DUS2: variants seen among roughly 807,000 people sequenced by gnomAD.
DUS2 encodes tRNA-dihydrouridine(20) synthase [NAD(P)+]-like.
A neutral mutation model predicts 71.3 loss-of-function variants in DUS2; 52 were observed. The ratio of observed to expected loss-of-function variants is 0.73; its 90% CI spans 0.58 to 0.92. The LOEUF (loss-of-function observed/expected upper bound fraction) is 0.92. Among genes scored for constraint, DUS2 ranks in the 40% least tolerant of loss-of-function variants. The pLI, the probability that DUS2 is intolerant of heterozygous loss-of-function variation, is 0.00. For synonymous variants in DUS2, 204 were observed against 227.8 expected (o/e 0.90, Z 0.94); for missense variants, 558 against 622.6 (o/e 0.90, Z 1.10).
At chr16:68,031,810 T>G (rs1308568549) in intron 2 of DUS2, among the ~76,000 whole-genome samples, 1 of 152,170 alleles carries the variant, frequency 6.6e-6, no homozygotes, top group Non-Finnish European at 1.5e-5. Flanking sequence ...TTCTCCTGCT[T>G]CAGCCTCCCG....
chr16:68,061,699 A>G (rs1322355733), intron 8 of DUS2, among the ~76,000 whole-genome samples: 1 of 152,182 alleles, frequency 6.6e-6, no homozygotes, highest in Non-Finnish European at 1.5e-5. Context: ...TTCCTCTCCC[A>G]GTCTGCCAGC....
intron 10 of DUS2, 124 bp downstream of exon 10, chr16:68,066,760 C>A: frequency 1.0e-6 from 1 of 957,688 alleles, no homozygotes; most frequent in Non-Finnish European, 1.6e-6. Flanking sequence ...CCTACCTCTG[C>A]CTAGCTCTTT....
In DUS2 at chr16:68,054,632, T is replaced by C; in HGVS notation, c.308+15T>C. The C allele has an allele frequency of 6.2e-7, 1 of 1,614,186 alleles. No homozygotes were observed. On this transcript the variant is annotated intron_variant, in intron 6 of 16. Coordinates refer to ENST00000565263, the MANE Select transcript of DUS2 (RefSeq NM_017803.5). The stretch of plus-strand genomic sequence containing the variant: ...GCCAGGCTTGTGTAAGTTCATCCTC[T>C]GTCTTTAGCACTGCCTTTGCCTCTC...
intron 7 of DUS2, 46 bp downstream of exon 7, chr16:68,056,470 A>G: frequency 6.6e-7 from 1 of 1,513,460 alleles, no homozygotes; most frequent in Non-Finnish European, 9.2e-7. Context: ...GATGCAGATT[A>G]AGAGGCTGAC....
At chr16:68,057,789 G>C (rs947017031) in intron 7 of DUS2, among the ~76,000 whole-genome samples, 1 of 151,510 alleles carries the variant, frequency 6.6e-6, no homozygotes, top group African/African-American at 2.4e-5. Context: ...GCTAAGGCAG[G>C]AGAATCGCTT....
chr16:68,048,000 C>T (rs1434647944), intron 3 of DUS2, among the ~76,000 whole-genome samples: 1 of 152,136 alleles, frequency 6.6e-6, no homozygotes, highest in African/African-American at 2.4e-5. Flanking sequence ...CCAGGCTGGT[C>T]TTGAACTCCT....
intron 8 of DUS2, among the ~76,000 whole-genome samples, chr16:68,065,348 AC>A (rs1376841799): frequency 6.8e-6 from 1 of 147,792 alleles, no homozygotes; most frequent in Non-Finnish European, 1.5e-5. Flanking sequence ...CATTCCCTTC[AC>A]CCAGGAAAGA....
At chr16:68,067,496 G>A (rs886568066) in intron 10 of DUS2, among the ~76,000 whole-genome samples, 2 of 150,982 alleles carry the variant, frequency 1.3e-5, no homozygotes, top group African/African-American at 4.9e-5. Flanking sequence ...TGGCCAGGCT[G>A]GTTTCAAACT....
At chr16:68,041,218 A>G (rs1378502597) in intron 3 of DUS2, among the ~76,000 whole-genome samples, 1 of 151,914 alleles carries the variant, frequency 6.6e-6, no homozygotes, top group Non-Finnish European at 1.5e-5. Context: ...AGAACAAAAC[A>G]AAACAAAACA....
At chr16:68,047,913 T>C (rs1179095682) in intron 3 of DUS2, among the ~76,000 whole-genome samples, 1 of 151,994 alleles carries the variant, frequency 6.6e-6, no homozygotes, top group African/African-American at 2.4e-5. Flanking sequence ...CCCATGTAGC[T>C]GGGACCACAG....
intron 2 of DUS2, among the ~76,000 whole-genome samples, chr16:68,029,601 CA>C (rs2033408406): frequency 6.6e-6 from 1 of 151,974 alleles, no homozygotes; most frequent in African/African-American, 2.4e-5. Flanking sequence ...CCTGCACCAC[CA>C]TACCCGGCTA....
chr16:68,067,857 C>G (rs2034031882), intron 10 of DUS2, among the ~76,000 whole-genome samples: 1 of 151,682 alleles, frequency 6.6e-6, no homozygotes, highest in South Asian at 2.1e-4. Context: ...ACGGGATCTC[C>G]TTATGTTGCC....
intron 12 of DUS2, among the ~76,000 whole-genome samples, 200 bp downstream of exon 12, chr16:68,071,308 G>A (rs1383791238): frequency 1.3e-5 from 2 of 152,192 alleles, no homozygotes; most frequent in African/African-American, 4.8e-5. Flanking sequence ...ATGCTGGGGG[G>A]CATACCCCTA....
At chr16:68,057,996 A>C (rs1430887551) in intron 7 of DUS2, among the ~76,000 whole-genome samples, 4 of 151,738 alleles carry the variant, frequency 2.6e-5, no homozygotes, top group Non-Finnish European at 5.9e-5. Flanking sequence ...TTAAACTTGG[A>C]ATTTGATAGG....
intron 13 of DUS2, among the ~76,000 whole-genome samples, chr16:68,074,796 C>G (rs2034134687): frequency 6.6e-6 from 1 of 152,334 alleles, no homozygotes; most frequent in South Asian, 2.1e-4. Flanking sequence ...AGTCTTCCAG[C>G]CTTCAAGATG....
At chr16:68,044,583 G>C (rs985559683) in intron 3 of DUS2, among the ~76,000 whole-genome samples, 6 of 151,618 alleles carry the variant, frequency 4.0e-5, no homozygotes, top group African/African-American at 1.5e-4. Flanking sequence ...TTTTTGTAGA[G>C]TTAGGGTTTC....
At chr16:68,060,135 T>A (rs2033919170) in intron 7 of DUS2, among the ~76,000 whole-genome samples, 1 of 152,172 alleles carries the variant, frequency 6.6e-6, no homozygotes, top group Non-Finnish European at 1.5e-5. Context: ...GCACATTTGA[T>A]CTTATTTCAA....
intron 5 of DUS2, among the ~76,000 whole-genome samples, 166 bp from the exon 6 acceptor site, chr16:68,054,408 T>C (rs768602315): frequency 1.3e-5 from 2 of 152,358 alleles, no homozygotes; most frequent in Middle Eastern, 3.4e-3. Context: ...CTTTTTCTGC[T>C]GGCAGTGAGC....
At chr16:68,024,458 C>A (rs1225933435) in intron 1 of DUS2, among the ~76,000 whole-genome samples, 1 of 152,084 alleles carries the variant, frequency 6.6e-6, no homozygotes, top group African/African-American at 2.4e-5. Context: ...TTTGCAGTGC[C>A]TGGGGTGGGA....
Sources: allele counts gnomAD v4.1 joint callset (sites outside exome capture counted in the v4.1 genomes callset), GRCh38; gene constraint gnomAD v4.1.1; transcripts MANE v1.5; gene names NCBI Gene and HGNC (gene_info 2026-07-23, HGNC 2026-07-21).